BACH2: variants seen among roughly 807,000 people sequenced by gnomAD.
The protein encoded by BACH2 is BACH transcriptional regulator 2.
Under a neutral mutation model 61.8 loss-of-function variants are expected in BACH2, and 5 were observed. That is an observed-to-expected ratio of 0.08 (90% CI 0.04 to 0.17). The LOEUF is 0.17. BACH2 is among the 10% of genes least tolerant of loss of function. BACH2 has a pLI of 1.00. For synonymous variants in BACH2, 446 were observed against 440.1 expected (o/e 1.01, Z -0.17); for missense variants, 824 against 1,091.1 (o/e 0.76, Z 3.45).
Position 89,950,388 on chromosome 6 carries a change from T to C in BACH2, c.1718A>G (p.Asn573Ser). The C allele has an allele frequency of 6.2e-7, 1 of 1,614,118 alleles. No individual in the cohort carries two copies. Among genetic ancestry groups the C allele is most frequent in the Non-Finnish European group, 8.5e-7 (1 of 1,180,008 alleles). The change falls in exon 7 of 9, where the codon AAC becomes AGC. Residue 573 changes from asparagine to serine, a missense_variant. This residue lies in a region of BACH2 where 160 missense variants were observed against 283.5 expected (regional missense o/e 0.56). Transcript: ENST00000257749. The surrounding 1 kb of genome is among the most constrained non-coding windows in gnomAD (Gnocchi z 5.3). ...ACATTTAATTTGGGGCCGCACTTGG[T>C]TGTACATTCCATCTCCCATCAGGCC... ...EPGLMGDGMY[N>S]QVRPQIKCEQ...
intron 5 of BACH2, among the ~76,000 whole-genome samples, chr6:90,055,951 TAA>T (rs1780322265): frequency 6.6e-6 from 1 of 152,120 alleles, no homozygotes; most frequent in Non-Finnish European, 1.5e-5. Context: ...AGGCCTGCCC[TAA>T]AAGAGCTCCT....
chr6:90,295,582 G>A (rs1359454883), intron 1 of BACH2, among the ~76,000 whole-genome samples: 3 of 152,120 alleles, frequency 2.0e-5, no homozygotes, highest in African/African-American at 7.2e-5. Context: ...ACGCGGGGAC[G>A]GGGAGGGCAG....
chr6:90,096,875 C>G (rs1382408159), intron 4 of BACH2, among the ~76,000 whole-genome samples: 1 of 152,238 alleles, frequency 6.6e-6, no homozygotes, highest in Non-Finnish European at 1.5e-5. Context: ...TACATTCCCA[C>G]CACCATCCAC....
chr6:90,285,412 A>G (rs1321235624), intron 1 of BACH2, among the ~76,000 whole-genome samples: 1 of 152,316 alleles, frequency 6.6e-6, no homozygotes, highest in African/African-American at 2.4e-5. Context: ...TACGCCAAGA[A>G]AGCCTAACTA....
At chr6:90,148,448 A>C (rs778153942) in intron 4 of BACH2, among the ~76,000 whole-genome samples, 2 of 152,238 alleles carry the variant, frequency 1.3e-5, no homozygotes, top group African/African-American at 2.4e-5. Flanking sequence ...AGATACACAG[A>C]AGATGCTATT....
At position 90,108,477 on chromosome 6, in the gene BACH2, C is replaced by T. The variant is rs192723596; in HGVS notation, c.-161-19368G>A. Among the ~76,000 whole-genome samples the T allele has an allele frequency of 4.6e-5, 7 of 152,274 alleles. 1 individual carries two copies. The highest frequency in any genetic ancestry group is 1.9e-4 in the East Asian group (1 of 5,162). On this transcript the variant is annotated intron_variant, in intron 4 of 8. Transcript: ENST00000257749. ...AAGAATCTAGTTAGAGATTAGTGGA[C>T]GCTGCATTACACTTCCATGGCTTCC...
intron 6 of BACH2, among the ~76,000 whole-genome samples, chr6:89,987,022 TC>T (rs1292648821): frequency 6.6e-6 from 1 of 152,152 alleles, no homozygotes; most frequent in Non-Finnish European, 1.5e-5. Flanking sequence ...GACCCAGCCT[TC>T]CGTCGCCTAC....
chr6:90,106,125 C>T (rs958702467), intron 4 of BACH2, among the ~76,000 whole-genome samples: 1 of 152,174 alleles, frequency 6.6e-6, no homozygotes, highest in East Asian at 1.9e-4. Flanking sequence ...TATTTTAAAG[C>T]TGAAGTTTCA....
intron 4 of BACH2, among the ~76,000 whole-genome samples, chr6:90,119,344 G>C (rs1442630353): frequency 6.6e-6 from 1 of 152,104 alleles, no homozygotes; most frequent in Non-Finnish European, 1.5e-5. Flanking sequence ...ATAATACGAA[G>C]ACTTAATGAG....
intron 4 of BACH2, among the ~76,000 whole-genome samples, chr6:90,174,513 C>T (rs1201544480): frequency 2.0e-5 from 3 of 151,682 alleles, no homozygotes; most frequent in Non-Finnish European, 4.4e-5. Flanking sequence ...AGATTCTTGC[C>T]AGTTCAGTAA....
At chr6:90,047,134 C>T (rs376336843) in intron 5 of BACH2, among the ~76,000 whole-genome samples, 5 of 152,298 alleles carry the variant, frequency 3.3e-5, no homozygotes, top group East Asian at 3.9e-4. Flanking sequence ...GTTGGCCAGG[C>T]TGGTCTCGAA....
rs561435698 is a variant in BACH2 at position 89,983,888 on chromosome 6, A to T, written c.243+24714T>A. 2.6e-5 allele frequency among the ~76,000 whole-genome samples: 4 copies of T among 152,346 alleles called. No individual in the cohort carries two copies. The South Asian group carries it at 8.3e-4, about 32-fold the overall frequency. On this transcript the variant is annotated intron_variant, in intron 6 of 8. Coordinates refer to ENST00000257749, the MANE Select transcript of BACH2 (RefSeq NM_021813.4). ...ACTTTGTTAGAATGGTTATACAGTTATAGGGGATAACACACATGCTTATTT... is the reference window on the plus strand; with the variant it reads ...ACTTTGTTAGAATGGTTATACAGTTTTAGGGGATAACACACATGCTTATTT...
intron 4 of BACH2, among the ~76,000 whole-genome samples, chr6:90,139,537 T>C (rs1784393288): frequency 6.6e-6 from 1 of 152,212 alleles, no homozygotes; most frequent in South Asian, 2.1e-4. Context: ...CCACTTACTT[T>C]CTGATAGAGC....
At chr6:90,273,275 T>G (rs1447841472) in intron 1 of BACH2, among the ~76,000 whole-genome samples, 1 of 152,012 alleles carries the variant, frequency 6.6e-6, no homozygotes. Context: ...AAAGGATCAC[T>G]CGAGCCCAGG....
chr6:90,103,023 A>T (rs1212622642), intron 4 of BACH2, among the ~76,000 whole-genome samples: 9 of 28,274 alleles, frequency 3.2e-4, no homozygotes, highest in African/African-American at 1.3e-3. Context: ...ATATATATAT[A>T]TATATATTTT....
intron 6 of BACH2, among the ~76,000 whole-genome samples, chr6:89,976,240 A>G (rs148872538): frequency 6.6e-6 from 1 of 152,390 alleles, no homozygotes; most frequent in East Asian, 1.9e-4. Context: ...TTTGTACGCA[A>G]GAGCGTGAAG....
chr6:90,296,307 C>A (rs1772384129), intron 1 of BACH2, among the ~76,000 whole-genome samples, 173 bp downstream of exon 1: 2 of 151,622 alleles, frequency 1.3e-5, no homozygotes, highest in African/African-American at 2.4e-5. Flanking sequence ...CTAGAAAATG[C>A]CATAAAAGCG....
intron 3 of BACH2, among the ~76,000 whole-genome samples, chr6:90,242,460 T>G (rs1024867453): frequency 6.6e-6 from 1 of 152,250 alleles, no homozygotes; most frequent in Non-Finnish European, 1.5e-5. Context: ...ATTATCTGGA[T>G]GTACCACAGT....
At chr6:90,234,273 T>C (rs1280283640) in intron 3 of BACH2, among the ~76,000 whole-genome samples, 1 of 152,134 alleles carries the variant, frequency 6.6e-6, no homozygotes, top group African/African-American at 2.4e-5. Flanking sequence ...TGCGGAAAAA[T>C]ACTGTCATTT....
Sources: allele counts gnomAD v4.1 joint callset (sites outside exome capture counted in the v4.1 genomes callset), GRCh38; gene constraint gnomAD v4.1.1; regional missense constraint gnomAD v4.1.1; non-coding constraint Gnocchi (gnomAD v3.1); transcripts MANE v1.5; gene names NCBI Gene and HGNC (gene_info 2026-07-23, HGNC 2026-07-21).